The following CDKL3 variants were observed in gnomAD, a reference collection of about 807,000 sequenced individuals.
CDKL3 encodes cyclin-dependent kinase-like 3.
CDKL3 carries 65 observed loss-of-function variants against 69.3 expected under a neutral mutation model. The ratio of observed to expected loss-of-function variants is 0.94; its 90% CI spans 0.77 to 1.15. CDKL3 has a LOEUF of 1.15. CDKL3 is among the 50% of genes most tolerant of loss of function. CDKL3 has a pLI of 0.00. For missense variants in CDKL3, 652 were observed against 689.2 expected, an observed-to-expected ratio of 0.95 and a Z score of 0.61; for synonymous variants, 202 against 221.6, an observed-to-expected ratio of 0.91 and a Z score of 0.79.
At chr5:134,368,512 G>A (rs545095860), upstream of CDKL3, among the ~76,000 whole-genome samples, 2 of 151,464 alleles carry the variant, frequency 1.3e-5, no homozygotes, top group Admixed American at 6.6e-5. Context: ...CCAGCTACTC[G>A]GGAGGCGGAG....
At chr5:134,294,452 G>A (rs750665959), downstream of CDKL3, among the ~76,000 whole-genome samples, 5 of 152,124 alleles carry the variant, frequency 3.3e-5, no homozygotes, top group Non-Finnish European at 7.4e-5. Context: ...AAAAGCAAAT[G>A]TCCACTGTCA....
rs1175480488 is a variant in CDKL3 at position 134,321,830 on chromosome 5, A to T, written c.613T>A (p.Ser205Thr). The part of the protein sequence containing the change: ...ATGNPYLPSS[S>T]DLDLLHKIVL... Reference sequence around the variant, plus strand: ...ATTTTATGGAGTAAATCCAAATCAGAACTACTAGGAAGATAGGGATTTCCA... The same window carrying T: ...ATTTTATGGAGTAAATCCAAATCAGTACTACTAGGAAGATAGGGATTTCCA... The change falls in exon 5 of 13, where the codon TCT (serine) becomes ACT (threonine). Residue 205 changes from serine to threonine, a missense_variant. Ser to Thr is a moderately conservative substitution (Grantham distance 58). Transcript: ENST00000265334. The T allele has an allele frequency of 6.2e-7, 1 of 1,611,842 alleles. No individual in the cohort carries two copies.
At chr5:134,359,221 C>T (rs551760732) in intron 3 of CDKL3, among the ~76,000 whole-genome samples, 3 of 151,926 alleles carry the variant, frequency 2.0e-5, no homozygotes, top group African/African-American at 7.2e-5. Context: ...TTGCTTGAAC[C>T]CAGGAGGCAG....
chr5:134,359,207 A>G (rs1581230084), intron 3 of CDKL3, among the ~76,000 whole-genome samples: 1 of 152,042 alleles, frequency 6.6e-6, no homozygotes, highest in Non-Finnish European at 1.5e-5. Flanking sequence ...GAGAGGCAGG[A>G]GAATTGCTTG....
chr5:134,342,128 C>T (rs914233507), intron 4 of CDKL3, among the ~76,000 whole-genome samples: 1 of 152,116 alleles, frequency 6.6e-6, no homozygotes, highest in African/African-American at 2.4e-5. Context: ...GACACCACTT[C>T]AATATGAACT....
At chr5:134,307,925 T>C (rs1212495160) in intron 9 of CDKL3, 2 of 583,100 alleles carry the variant, frequency 3.4e-6, no homozygotes, top group Non-Finnish European at 5.2e-6. Context: ...AAGAAGACAT[T>C]AGTGAAAATT....
At chr5:134,365,754 C>T (rs1020221841) in intron 2 of CDKL3, among the ~76,000 whole-genome samples, 1 of 152,318 alleles carries the variant, frequency 6.6e-6, no homozygotes, top group Admixed American at 6.5e-5. Flanking sequence ...ACTCTACAGG[C>T]ACATGTCTTT....
intron 6 of CDKL3, among the ~76,000 whole-genome samples, chr5:134,318,843 C>A (rs1771919539): frequency 6.6e-6 from 1 of 151,866 alleles, no homozygotes; most frequent in South Asian, 2.1e-4. Context: ...ATATAATGAA[C>A]ATAATTATCT....
chr5:134,296,813 A>ACACACACG (rs1554074948), downstream of CDKL3, among the ~76,000 whole-genome samples: 5 of 151,216 alleles, frequency 3.3e-5, no homozygotes, highest in Admixed American at 6.6e-5. Flanking sequence ...ACACACACAC[A>ACACACACG]CACGCACGCA....
At chr5:134,361,791 C>G (rs1756079596) in intron 2 of CDKL3, among the ~76,000 whole-genome samples, 1 of 152,130 alleles carries the variant, frequency 6.6e-6, no homozygotes, top group African/African-American at 2.4e-5. Flanking sequence ...GTAATCCCAG[C>G]TACTAGAGAG....
At chr5:134,313,894 T>C (rs941359127) in intron 6 of CDKL3, among the ~76,000 whole-genome samples, 2 of 152,014 alleles carry the variant, frequency 1.3e-5, no homozygotes, top group East Asian at 1.9e-4. Flanking sequence ...TCCCAGCACT[T>C]TGGGGGGCAA....
chr5:134,302,211 CTG>C, intron 12 of CDKL3: 1 of 457,052 alleles, frequency 2.2e-6, no homozygotes, highest in Non-Finnish European at 4.4e-6. Context: ...AGGGAATAAA[CTG>C]GAGAGAAAAC....
At chr5:134,330,882 C>G (rs1775615899) in intron 4 of CDKL3, among the ~76,000 whole-genome samples, 1 of 152,170 alleles carries the variant, frequency 6.6e-6, no homozygotes, top group African/African-American at 2.4e-5. Flanking sequence ...CTTGCTTTGA[C>G]CAGCCCACTT....
At chr5:134,285,144 A>C (rs889096090), downstream of CDKL3, among the ~76,000 whole-genome samples, 3 of 152,158 alleles carry the variant, frequency 2.0e-5, no homozygotes, top group Non-Finnish European at 4.4e-5. Context: ...GTAACAAGTG[A>C]GTCTACCATT....
chr5:134,365,718 T>C (rs575429738), intron 2 of CDKL3, among the ~76,000 whole-genome samples: 3 of 152,328 alleles, frequency 2.0e-5, no homozygotes, highest in Non-Finnish European at 4.4e-5. Flanking sequence ...TGTTCTAATA[T>C]ACCTCTTTCC....
chr5:134,348,968 G>T (rs1752594926), intron 4 of CDKL3, among the ~76,000 whole-genome samples: 1 of 152,118 alleles, frequency 6.6e-6, no homozygotes, highest in Admixed American at 6.6e-5. Context: ...CAGTTGAAAA[G>T]GTACCCAGGG....
At chr5:134,345,190 G>C (rs1378126139) in intron 4 of CDKL3, among the ~76,000 whole-genome samples, 1 of 152,126 alleles carries the variant, frequency 6.6e-6, no homozygotes, top group East Asian at 1.9e-4. Context: ...TTACTGAGGT[G>C]ATGAAAACTG....
At position 134,287,111 on chromosome 5, in the gene CDKL3, A is replaced by G. The variant is rs185071390; in HGVS notation, c.*678-552T>C. 6.6e-4 allele frequency among the ~76,000 whole-genome samples: 100 copies of G among 152,294 alleles called. 1 individual carries two copies. The highest frequency in any genetic ancestry group is 2.1e-3 in the African/African-American group (87 of 41,564). On this transcript the variant is annotated intron_variant and NMD_transcript_variant, in intron 8 of 8. Transcript: ENST00000519312. ...AAAATTATCAGTAGAACAGAAAAGC[A>G]CTTAGAATTAAGAAGAAAATGATGA...
intron 12 of CDKL3, among the ~76,000 whole-genome samples, chr5:134,300,438 A>G (rs1000636755): frequency 6.6e-6 from 1 of 152,232 alleles, no homozygotes; most frequent in African/African-American, 2.4e-5. Context: ...AGCCAAGAAT[A>G]GAAAAAATAA....
Sources: gnomAD v4.1 joint callset for allele counts (sites outside exome capture counted in the v4.1 genomes callset) on GRCh38, gnomAD v4.1.1 for gene constraint, MANE v1.5 for transcripts, NCBI Gene and HGNC (gene_info 2026-07-23, HGNC 2026-07-21) for gene names.